Variants in TTC28 observed in about 807,000 individuals in gnomAD.
The protein encoded by TTC28 is tetratricopeptide repeat domain 28, also known as tetratricopeptide repeat protein 28.
In TTC28, 61 loss-of-function variants were observed where a neutral mutation model predicts 198.0. The observed-to-expected ratio is 0.31, with a 90% CI of 0.25 to 0.38. The LOEUF is 0.38. Among genes scored for constraint, TTC28 ranks in the 10% least tolerant of loss-of-function variants. The pLI is 1.00. For missense variants in TTC28, 2,678 were observed against 3,164.0 expected (o/e 0.85, Z 3.69); for synonymous variants, 1,171 against 1,297.8 (o/e 0.90, Z 2.10).
At chr22:28,416,813 G>A (rs2047174306) in intron 2 of TTC28, among the ~76,000 whole-genome samples, 1 of 152,098 alleles carries the variant, frequency 6.6e-6, no homozygotes, top group African/African-American at 2.4e-5. Flanking sequence ...CAAGACTATG[G>A]AGAAAACAAA....
At chr22:28,443,676 G>A (rs753822338) in intron 2 of TTC28, among the ~76,000 whole-genome samples, 2 of 151,936 alleles carry the variant, frequency 1.3e-5, no homozygotes, top group Admixed American at 6.6e-5. Context: ...CTTCCCTTCA[G>A]TGCGAGCACA....
intron 5 of TTC28, among the ~76,000 whole-genome samples, chr22:28,244,553 T>G (rs965863632): frequency 6.6e-6 from 1 of 152,188 alleles, no homozygotes; most frequent in Non-Finnish European, 1.5e-5. Context: ...ATGACTTAAC[T>G]GACTTCAGAA....
At chr22:28,181,802 C>T (rs1376299764) in intron 5 of TTC28, among the ~76,000 whole-genome samples, 1 of 152,148 alleles carries the variant, frequency 6.6e-6, no homozygotes, top group East Asian at 1.9e-4. Context: ...CCAAAGACTG[C>T]CTTCTAGCTG....
Position 27,979,742 on chromosome 22 carries a change from T to C in TTC28, c.*2479A>G, listed in dbSNP as rs747334227. 6.6e-6 allele frequency: 1 copy of C among 152,242 alleles called. No homozygotes were observed. The highest frequency in any genetic ancestry group is 1.5e-5 in the Non-Finnish European group (1 of 68,052). 9.4% of individuals were successfully genotyped at this position (152,242 alleles called of 1,614,324 possible). On this transcript the variant is annotated 3_prime_UTR_variant, in exon 23 of 23. Transcript: ENST00000397906. ...CCAGTGTAGCCTGAAACATTCACTG[T>C]GATTTTATGATTTTACATCCATTTT... is the stretch of plus-strand genomic sequence containing the variant.
intron 2 of TTC28, among the ~76,000 whole-genome samples, chr22:28,456,067 G>A (rs749991329): frequency 1.1e-4 from 16 of 151,536 alleles, no homozygotes; most frequent in Non-Finnish European, 1.6e-4. Context: ...GCTGAGGCAG[G>A]AGAATCACTC....
intron 1 of TTC28, among the ~76,000 whole-genome samples, chr22:28,657,303 C>G (rs2051674732): frequency 6.6e-6 from 1 of 152,172 alleles, no homozygotes; most frequent in South Asian, 2.1e-4. Context: ...TGAAATGTAA[C>G]TCTTGTTGAA....
At chr22:28,042,187 C>G (rs1042091071) in intron 12 of TTC28, among the ~76,000 whole-genome samples, 4 of 152,054 alleles carry the variant, frequency 2.6e-5, no homozygotes, top group African/African-American at 7.3e-5. Flanking sequence ...CCTCAAGGAT[C>G]TAGAACTAGA....
At chr22:28,388,247 G>C (rs973026830) in intron 2 of TTC28, among the ~76,000 whole-genome samples, 1 of 152,150 alleles carries the variant, frequency 6.6e-6, no homozygotes, top group Non-Finnish European at 1.5e-5. Context: ...AGTTACTGTA[G>C]CCTTGTAGTA....
chr22:28,343,350 T>C (rs1328245210), intron 2 of TTC28, among the ~76,000 whole-genome samples: 1 of 151,928 alleles, frequency 6.6e-6, no homozygotes, highest in Admixed American at 6.6e-5. Context: ...GCCAACATGG[T>C]GAGACCCCAT....
chr22:28,222,783 C>T (rs1216942445), intron 5 of TTC28, among the ~76,000 whole-genome samples: 5 of 152,084 alleles, frequency 3.3e-5, no homozygotes, highest in Admixed American at 3.3e-4. Flanking sequence ...TCAAGGTGAC[C>T]CCAACAAGGA....
chr22:28,216,134 A>C (rs1015738671), intron 5 of TTC28, among the ~76,000 whole-genome samples: 2 of 152,194 alleles, frequency 1.3e-5, no homozygotes, highest in Admixed American at 6.5e-5. Flanking sequence ...CAGCACAGCA[A>C]TGAGACAGAG....
At position 28,094,145 on chromosome 22, in the gene TTC28, G is replaced by A; in HGVS notation, c.3867C>T (p.Gly1289=). 1 of 1,551,664 alleles carries A rather than the reference G, an allele frequency of 6.4e-7. No individual in the cohort carries two copies. Among genetic ancestry groups the A allele is most frequent in the South Asian group, 1.2e-5 (1 of 84,054 alleles). The change falls in exon 12 of 23, where the codon GGC becomes GGT. Residue 1289 remains glycine (G), a synonymous_variant. Coordinates refer to ENST00000397906, the MANE Select transcript of TTC28 (RefSeq NM_001145418.2). ...SSSVTLPTAT[G]SALEQHIASV... The stretch of plus-strand genomic sequence containing the variant: ...TGGCAATGTGCTGCTCCAGGGCTGA[G>A]CCGGTTGCTGTTGGAAGGGTTACAC...
intron 2 of TTC28, among the ~76,000 whole-genome samples, chr22:28,625,812 T>C (rs1569068182): frequency 6.6e-6 from 1 of 152,150 alleles, no homozygotes; most frequent in Non-Finnish European, 1.5e-5. Flanking sequence ...CTATAGTAAT[T>C]AAGGCATTAT....
rs2049165722 is a variant in TTC28, at chr22:28,532,632, G to T, written c.381+96920C>A. ...AAGAGAATTTTAGACCATTATCCGT[G>T]ATGAACATCGATGCAAAAATCCTCA... On this transcript the variant is annotated intron_variant, in intron 2 of 22. Coordinates refer to ENST00000397906, the MANE Select transcript of TTC28 (RefSeq NM_001145418.2). Among the ~76,000 whole-genome samples, 5 of 152,174 alleles carry T rather than the reference G, an allele frequency of 3.3e-5. No homozygotes were observed. The South Asian group carries it at 1.0e-3, about 32-fold the overall frequency.
intron 5 of TTC28, among the ~76,000 whole-genome samples, chr22:28,178,017 C>A (rs1343108326): frequency 6.7e-6 from 1 of 149,486 alleles, no homozygotes; most frequent in African/African-American, 2.5e-5. Flanking sequence ...AATTATATAT[C>A]AATATTGGTT....
intron 21 of TTC28, among the ~76,000 whole-genome samples, chr22:27,988,043 A>AATCT (rs1229310879): frequency 2.6e-5 from 4 of 152,120 alleles, no homozygotes; most frequent in African/African-American, 9.7e-5. Context: ...GGTGAAACCC[A>AATCT]ATCTCTACAA....
At chr22:28,290,376 G>T (rs945891344) in intron 5 of TTC28, among the ~76,000 whole-genome samples, 2 of 152,058 alleles carry the variant, frequency 1.3e-5, no homozygotes, top group Non-Finnish European at 2.9e-5. Context: ...AATTGAAGAT[G>T]GTAAGACTGC....
intron 6 of TTC28, among the ~76,000 whole-genome samples, chr22:28,138,150 A>C (rs1398183037): frequency 6.6e-6 from 1 of 152,186 alleles, no homozygotes; most frequent in Non-Finnish European, 1.5e-5. Context: ...CATGCTCCTT[A>C]AACACTTTCT....
chr22:28,251,207 T>G (rs911870843), intron 5 of TTC28, among the ~76,000 whole-genome samples: 2 of 152,152 alleles, frequency 1.3e-5, no homozygotes, highest in Admixed American at 6.5e-5. Context: ...TTTCAAAACA[T>G]GGGAGACTGA....
Sources: gnomAD v4.1 joint callset for allele counts (sites outside exome capture counted in the v4.1 genomes callset) on GRCh38, gnomAD v4.1.1 for gene constraint, MANE v1.5 for transcripts, NCBI Gene and HGNC (gene_info 2026-07-23, HGNC 2026-07-21) for gene names.